The following NEDD9 variants were observed in gnomAD, a reference collection of about 807,000 sequenced individuals.
NEDD9 encodes the protein neural precursor cell expressed, developmentally down-regulated 9, also known as enhancer of filamentation 1.
In NEDD9, 26 loss-of-function variants were observed where a neutral mutation model predicts 76.6. That is an observed-to-expected ratio of 0.34 (90% confidence interval 0.25 to 0.47). The LOEUF is 0.47. NEDD9 is among the 20% of genes least tolerant of loss of function. The pLI, the probability that NEDD9 is intolerant of heterozygous loss-of-function variation, is 1.00. For missense variants in NEDD9, 937 were observed against 1,058.5 expected, an observed-to-expected ratio of 0.89 and a Z score of 1.59; for synonymous variants, 392 against 414.2, an observed-to-expected ratio of 0.95 and a Z score of 0.65.
rs1761528146 is a variant in NEDD9 at position 11,315,607 on chromosome 6, A to G, written c.-152-9452T>C. 1.3e-5 allele frequency among the ~76,000 whole-genome samples: 2 copies of G among 152,220 alleles called. 1 individual carries two copies. The highest frequency in any genetic ancestry group is 1.3e-4 in the Admixed American group (2 of 15,288). ...TTGGGTGGTTTGGCTCAATTTAACCAGTTTAAATGTTGTTGGTGTATAGCT... is the reference window on the plus strand; with the variant it reads ...TTGGGTGGTTTGGCTCAATTTAACCGGTTTAAATGTTGTTGGTGTATAGCT... On this transcript the variant is annotated intron_variant, in intron 2 of 3. Transcript: ENST00000397378.
At chr6:11,270,972 C>G (rs925926173) in intron 3 of NEDD9, among the ~76,000 whole-genome samples, 22 of 152,312 alleles carry the variant, frequency 1.4e-4, no homozygotes, top group African/African-American at 4.8e-4. Flanking sequence ...GGTGACGGCA[C>G]AGGCAAAGAG....
At chr6:11,259,554 GTTA>G (rs1380406026) in intron 3 of NEDD9, among the ~76,000 whole-genome samples, 1 of 152,142 alleles carries the variant, frequency 6.6e-6, no homozygotes, top group Non-Finnish European at 1.5e-5. Context: ...CTAGGCATGT[GTTA>G]TTATTACCAA....
intron 1 of NEDD9, among the ~76,000 whole-genome samples, chr6:11,231,822 A>G (rs1759476244): frequency 6.6e-6 from 1 of 152,150 alleles, no homozygotes; most frequent in South Asian, 2.1e-4. Flanking sequence ...TACTATGACT[A>G]TGACACTCTG....
intron 1 of NEDD9, among the ~76,000 whole-genome samples, chr6:11,227,504 T>C (rs148571357): frequency 0.01 from 1,537 of 152,336 alleles, 24 homozygotes; most frequent in African/African-American, 0.035. Flanking sequence ...CTATAAGCCA[T>C]AAGGAACAGA....
chr6:11,343,339 G>C (rs979321270), intron 1 of NEDD9, among the ~76,000 whole-genome samples: 1 of 152,004 alleles, frequency 6.6e-6, no homozygotes, highest in African/African-American at 2.4e-5. Flanking sequence ...TGAGGCAGGA[G>C]AATTGCTTGA....
intron 2 of NEDD9, among the ~76,000 whole-genome samples, chr6:11,203,668 G>T (rs1230091438): frequency 6.6e-6 from 1 of 152,198 alleles, no homozygotes; most frequent in East Asian, 1.9e-4. Context: ...CCAGGATGAA[G>T]TGCTTTCTTA....
chr6:11,279,353 G>C (rs1760482494), intron 3 of NEDD9, among the ~76,000 whole-genome samples: 1 of 152,220 alleles, frequency 6.6e-6, no homozygotes, highest in South Asian at 2.1e-4. Flanking sequence ...ATATTTCTTG[G>C]CCCTAATGCG....
intron 6 of NEDD9, among the ~76,000 whole-genome samples, chr6:11,187,480 C>G (rs923396226): frequency 4.7e-4 from 71 of 152,010 alleles, no homozygotes; most frequent in African/African-American, 1.5e-3. Flanking sequence ...TAGATTGGAC[C>G]AAGGCCAGGC....
chr6:11,206,599 G>A (rs1478902491), intron 2 of NEDD9, among the ~76,000 whole-genome samples: 1 of 152,196 alleles, frequency 6.6e-6, no homozygotes, highest in Non-Finnish European at 1.5e-5. Context: ...ATTGAAAAAG[G>A]AGGGTTAACC....
chr6:11,245,977 T>G (rs532813929), intron 3 of NEDD9, among the ~76,000 whole-genome samples: 1 of 152,152 alleles, frequency 6.6e-6, no homozygotes, highest in East Asian at 1.9e-4. Flanking sequence ...AACAAGGATA[T>G]CCATCTGGAA....
intron 2 of NEDD9, among the ~76,000 whole-genome samples, chr6:11,321,767 C>T (rs1273061134): frequency 6.6e-6 from 1 of 152,202 alleles, no homozygotes; most frequent in East Asian, 1.9e-4. Flanking sequence ...CAACTTAAGG[C>T]TGATCCAGGT....
chr6:11,219,530 T>A (rs1357859266), intron 1 of NEDD9, among the ~76,000 whole-genome samples: 1 of 152,190 alleles, frequency 6.6e-6, no homozygotes, highest in East Asian at 1.9e-4. Flanking sequence ...TGGACTCTTG[T>A]GGGTTTGCAT....
In NEDD9 at chr6:11,329,707, C is replaced by T. The variant is rs148588243; in HGVS notation, c.-153+4794G>A. ...CCAGCCAACTTCAGTGTAGGGGTCC[C>T]CTAGGGGACATTTAGCAATGTCTCG... On this transcript the variant is annotated intron_variant, in intron 2 of 3. Transcript: ENST00000397378. 1.8e-3 allele frequency among the ~76,000 whole-genome samples: 281 copies of T among 152,176 alleles called. 3 individuals are homozygous for T. Among genetic ancestry groups the T allele is most frequent in the African/African-American group, 6.4e-3 (265 of 41,512 alleles).
chr6:11,341,724 G>A (rs1454303076), intron 1 of NEDD9, among the ~76,000 whole-genome samples: 1 of 152,166 alleles, frequency 6.6e-6, no homozygotes, highest in African/African-American at 2.4e-5. Context: ...AGAGTGCTGA[G>A]CTAGAGCTTC....
chr6:11,237,666 A>G (rs1269554573), upstream of NEDD9, among the ~76,000 whole-genome samples: 1 of 152,212 alleles, frequency 6.6e-6, no homozygotes. This position sits in a 1 kb window ranked among gnomAD's most constrained non-coding sequence, Gnocchi z 4.9. Context: ...CTATTCATGT[A>G]GGGATGTCTT....
Position 11,183,526 on chromosome 6 carries a change from C to T in NEDD9, c.*1636G>A, listed in dbSNP as rs1235257678. On this transcript the variant is annotated 3_prime_UTR_variant, in exon 7 of 7. Transcript: ENST00000379446. ...TTGATTTTCAGCAACCCTCTTCCCA[C>T]ATGAACATTTCCTTGTAATGTAATG... 6.6e-6 allele frequency: 1 copy of T among 152,238 alleles called. No homozygotes were observed. The highest frequency in any genetic ancestry group is 2.4e-5 in the African/African-American group (1 of 41,466). The allele number at this position is 152,238 out of a possible 1,614,324, so 9.4% of individuals were successfully genotyped here.
chr6:11,355,393 C>CAGT (rs1762546614), intron 1 of NEDD9, among the ~76,000 whole-genome samples: 1 of 152,068 alleles, frequency 6.6e-6, no homozygotes, highest in Non-Finnish European at 1.5e-5. Flanking sequence ...ATTCTTCTTG[C>CAGT]AGTAATATGG....
At chr6:11,189,076 A>T (rs1284421545) in intron 5 of NEDD9, among the ~76,000 whole-genome samples, 1 of 151,770 alleles carries the variant, frequency 6.6e-6, no homozygotes, top group Non-Finnish European at 1.5e-5. Context: ...CCTCCCAAGT[A>T]GCTGGGACTA....
intron 5 of NEDD9, among the ~76,000 whole-genome samples, chr6:11,189,117 T>C (rs1758059596): frequency 6.6e-6 from 1 of 152,260 alleles, no homozygotes; most frequent in Middle Eastern, 3.4e-3. Flanking sequence ...TGGCTAATTT[T>C]CGTACTTTTA....
Sources: allele counts gnomAD v4.1 joint callset (sites outside exome capture counted in the v4.1 genomes callset), GRCh38; gene constraint gnomAD v4.1.1; non-coding constraint Gnocchi (gnomAD v3.1); transcripts MANE v1.5; gene names NCBI Gene and HGNC (gene_info 2026-07-23, HGNC 2026-07-21).